Variants in SHROOM3 observed in about 807,000 individuals in gnomAD.
The protein encoded by SHROOM3 is protein Shroom3.
Under a neutral mutation model 138.6 loss-of-function variants are expected in SHROOM3, and 47 were observed. That is an observed-to-expected ratio of 0.34 (90% confidence interval 0.27 to 0.43). The LOEUF is 0.43. SHROOM3 is among the 20% of genes least tolerant of loss of function. The pLI is 1.00. For synonymous variants in SHROOM3, 1,062 were observed against 1,063.3 expected (o/e 1.00, Z 0.02); for missense variants, 2,491 against 2,596.5 (o/e 0.96, Z 0.88).
chr4:76,746,321 G>T (rs1005367279), intron 5 of SHROOM3, among the ~76,000 whole-genome samples: 2 of 152,200 alleles, frequency 1.3e-5, no homozygotes, highest in Non-Finnish European at 2.9e-5. Context: ...CCACATATGT[G>T]ACAGTGGTCC....
intron 1 of SHROOM3, among the ~76,000 whole-genome samples, chr4:76,470,211 C>T (rs1438904379): frequency 1.3e-5 from 2 of 152,190 alleles, no homozygotes; most frequent in Non-Finnish European, 1.5e-5. Context: ...ATTCACTATA[C>T]TGTGTCTCTC....
intron 2 of SHROOM3, among the ~76,000 whole-genome samples, chr4:76,566,681 T>C (rs900798377): frequency 6.6e-6 from 1 of 152,216 alleles, no homozygotes; most frequent in Non-Finnish European, 1.5e-5. Context: ...AAGTATAGGT[T>C]TGTGGGTTAC....
At chr4:76,658,045 G>A (rs1736102906) in intron 2 of SHROOM3, among the ~76,000 whole-genome samples, 5 of 152,206 alleles carry the variant, frequency 3.3e-5, no homozygotes, top group Admixed American at 3.3e-4. Flanking sequence ...TTGATAAAAT[G>A]AAGTCGATAG....
intron 10 of SHROOM3, among the ~76,000 whole-genome samples, chr4:76,775,124 G>A (rs1367551977): frequency 6.6e-6 from 1 of 152,154 alleles, no homozygotes; most frequent in Non-Finnish European, 1.5e-5. Flanking sequence ...CCTTCCCGCT[G>A]AGTCCCCGAA....
intron 10 of SHROOM3, among the ~76,000 whole-genome samples, chr4:76,778,143 G>A (rs971178121): frequency 1.3e-5 from 2 of 152,204 alleles, no homozygotes; most frequent in East Asian, 3.9e-4. Flanking sequence ...CAATTTCCCA[G>A]GTGATGCCAC....
chr4:76,556,194 C>T (rs1733480803), intron 2 of SHROOM3, among the ~76,000 whole-genome samples: 1 of 152,192 alleles, frequency 6.6e-6, no homozygotes, highest in Admixed American at 6.5e-5. Context: ...GGCAAATTCT[C>T]TCATTGGTTG....
chr4:76,540,884 C>T (rs1385169699), intron 1 of SHROOM3, among the ~76,000 whole-genome samples: 1 of 152,084 alleles, frequency 6.6e-6, no homozygotes, highest in East Asian at 1.9e-4. Flanking sequence ...AAATTATTAG[C>T]TAAAATGAGA....
At chr4:76,531,647 T>C (rs910238114) in intron 1 of SHROOM3, among the ~76,000 whole-genome samples, 1 of 152,210 alleles carries the variant, frequency 6.6e-6, no homozygotes, top group Non-Finnish European at 1.5e-5. Context: ...CTCTGCAAGG[T>C]GTTCAGCACA....
chr4:76,542,771 C>T (rs1267703473), intron 1 of SHROOM3, among the ~76,000 whole-genome samples: 1 of 152,166 alleles, frequency 6.6e-6, no homozygotes, highest in Non-Finnish European at 1.5e-5. Context: ...TTGCTTTAAG[C>T]CGGTAGGTTT....
intron 10 of SHROOM3, among the ~76,000 whole-genome samples, chr4:76,776,910 T>C (rs1044402328): frequency 1.3e-5 from 2 of 152,190 alleles, no homozygotes; most frequent in Non-Finnish European, 2.9e-5. Flanking sequence ...TGGCTGTAAG[T>C]ATTTGGCTTT....
intron 3 of SHROOM3, among the ~76,000 whole-genome samples, chr4:76,720,180 T>G (rs965690032): frequency 5.4e-5 from 5 of 93,362 alleles, no homozygotes; most frequent in Non-Finnish European, 1.0e-4. Context: ...TTTTTTTTTT[T>G]GTGAATCCAA....
chr4:76,495,110 T>G (rs1170433503), intron 1 of SHROOM3, among the ~76,000 whole-genome samples: 1 of 152,232 alleles, frequency 6.6e-6, no homozygotes, highest in Non-Finnish European at 1.5e-5. Context: ...TAGATCACAC[T>G]GGGTTAGGAG....
intron 1 of SHROOM3, among the ~76,000 whole-genome samples, chr4:76,490,366 T>C (rs1306138059): frequency 1.3e-5 from 2 of 152,170 alleles, no homozygotes; most frequent in African/African-American, 2.4e-5. Context: ...CCATCTGACA[T>C]GCAGAAAAGG....
intron 1 of SHROOM3, among the ~76,000 whole-genome samples, chr4:76,549,302 AAT>A (rs1397078256): frequency 6.6e-6 from 1 of 152,242 alleles, no homozygotes; most frequent in African/African-American, 2.4e-5. Context: ...CATTCATGAT[AAT>A]AAATGGAGAC....
intron 2 of SHROOM3, among the ~76,000 whole-genome samples, chr4:76,670,124 G>C (rs933111595): frequency 1.3e-5 from 2 of 152,156 alleles, no homozygotes; most frequent in African/African-American, 4.8e-5. Context: ...TCTGTCCACT[G>C]CAAGACTTTT....
At chr4:76,710,351 GCT>G in intron 3 of SHROOM3, 64 bp downstream of exon 3, 1 of 1,600,028 alleles carries the variant, frequency 6.2e-7, no homozygotes, top group Non-Finnish European at 8.5e-7. Flanking sequence ...AAGCCACTCA[GCT>G]GCTGGGAGAG....
intron 1 of SHROOM3, among the ~76,000 whole-genome samples, chr4:76,492,648 C>T (rs901377093): frequency 2.0e-5 from 3 of 152,132 alleles, no homozygotes; most frequent in Non-Finnish European, 4.4e-5. Flanking sequence ...TAATAACTGC[C>T]ACTCAGGGAA....
At chr4:76,454,418 A>G (rs540756560) in intron 1 of SHROOM3, among the ~76,000 whole-genome samples, 4 of 152,264 alleles carry the variant, frequency 2.6e-5, no homozygotes, top group African/African-American at 9.6e-5. Context: ...TTTTCAACAC[A>G]TATTTCCTAC....
chr4:76,606,560 A>T (rs1308926426), intron 2 of SHROOM3, among the ~76,000 whole-genome samples: 1 of 151,998 alleles, frequency 6.6e-6, no homozygotes, highest in Non-Finnish European at 1.5e-5. Context: ...AAAATTAGCC[A>T]GGCCTGGTGG....
Sources: gnomAD v4.1 joint callset for allele counts (sites outside exome capture counted in the v4.1 genomes callset) on GRCh38, gnomAD v4.1.1 for gene constraint, MANE v1.5 for transcripts, NCBI Gene and HGNC (gene_info 2026-07-23, HGNC 2026-07-21) for gene names.